MAMDC2: variants seen among roughly 807,000 people sequenced by gnomAD.
MAMDC2 encodes the protein MAM domain containing 2.
MAMDC2 carries 57 observed loss-of-function variants against 89.8 expected under a neutral mutation model. The observed-to-expected ratio is 0.63, with a 90% CI of 0.51 to 0.79. MAMDC2 has a LOEUF of 0.79. Ranked by LOEUF, MAMDC2 falls within the 30% of genes least tolerant of loss-of-function variation. MAMDC2 has a pLI of 0.00. For synonymous variants in MAMDC2, 313 were observed against 293.4 expected (o/e 1.07, Z -0.68); for missense variants, 800 against 820.6 (o/e 0.97, Z 0.31).
chr9:70,197,292 A>C (rs2032990553), intron 11 of MAMDC2, among the ~76,000 whole-genome samples: 1 of 152,140 alleles, frequency 6.6e-6, no homozygotes. Context: ...GGAAGAACTT[A>C]TGGAGTAAAG....
At chr9:70,158,704 GTGTT>G (rs999762513) in intron 9 of MAMDC2, among the ~76,000 whole-genome samples, 20 of 151,950 alleles carry the variant, frequency 1.3e-4, no homozygotes, top group African/African-American at 4.3e-4. Context: ...TCCAAGAAAT[GTGTT>G]TGTTAGGCAA....
At chr9:70,047,443 A>G (rs1431890777) in intron 2 of MAMDC2, among the ~76,000 whole-genome samples, 1 of 152,144 alleles carries the variant, frequency 6.6e-6, no homozygotes, top group African/African-American at 2.4e-5. Flanking sequence ...ATGAGTGAGA[A>G]CATGAGGTGT....
At chr9:70,119,760 C>G (rs1455906658) in intron 5 of MAMDC2, among the ~76,000 whole-genome samples, 1 of 152,208 alleles carries the variant, frequency 6.6e-6, no homozygotes, top group East Asian at 1.9e-4. Context: ...ACTTCTCCCT[C>G]TTACTGTACT....
intron 11 of MAMDC2, chr9:70,188,541 G>T (rs1168186187): frequency 1.3e-5 from 2 of 151,770 alleles, no homozygotes; most frequent in Non-Finnish European, 1.5e-5. Context: ...ATTTTTACAA[G>T]TAATTTTTTA....
chr9:70,137,908 G>T lies in MAMDC2; in HGVS notation c.995-2237G>T, dbSNP rs2031066847. ...AAAAGTTATTCTCAAAAGAGCAGAA[G>T]CATTTTATTTGTATAAATGTATGTG... On this transcript the variant is annotated intron_variant, in intron 7 of 13. Coordinates refer to ENST00000377182, the MANE Select transcript of MAMDC2 (RefSeq NM_153267.5). 2.0e-5 allele frequency among the ~76,000 whole-genome samples: 3 copies of T among 152,178 alleles called. No individual in the cohort carries two copies. In the South Asian group the frequency reaches 6.2e-4, roughly 32 times the overall value.
intron 7 of MAMDC2, 103 bp downstream of exon 7, chr9:70,131,715 C>T (rs2030812540): frequency 2.4e-6 from 2 of 833,196 alleles, no homozygotes; most frequent in Non-Finnish European, 3.9e-6. Flanking sequence ...ATATCTTTCC[C>T]CTTCTGTCAT....
intron 2 of MAMDC2, chr9:70,071,451 T>C (rs1827406401): frequency 1.3e-5 from 2 of 152,214 alleles, no homozygotes; most frequent in Non-Finnish European, 2.9e-5. Context: ...TCTAATTTCG[T>C]AGGATTGAAA....
At chr9:70,205,747 G>A (rs1470727664) in intron 11 of MAMDC2, among the ~76,000 whole-genome samples, 2 of 152,142 alleles carry the variant, frequency 1.3e-5, no homozygotes, top group Admixed American at 1.3e-4. Flanking sequence ...CCCTTCCACA[G>A]ACTGGAATCC....
chr9:70,202,032 G>T (rs1435481258), intron 11 of MAMDC2, among the ~76,000 whole-genome samples: 3 of 151,686 alleles, frequency 2.0e-5, no homozygotes, highest in Non-Finnish European at 2.9e-5. Flanking sequence ...TTTTTGAAGG[G>T]TTTTTTGTGT....
intron 2 of MAMDC2, among the ~76,000 whole-genome samples, chr9:70,084,601 C>T (rs1344339867): frequency 1.3e-5 from 2 of 152,050 alleles, no homozygotes; most frequent in Non-Finnish European, 2.9e-5. Context: ...TGCCTGATTC[C>T]TTTCCTAGGT....
intron 2 of MAMDC2, among the ~76,000 whole-genome samples, chr9:70,064,565 G>A (rs1156608476): frequency 1.3e-5 from 2 of 152,118 alleles, no homozygotes; most frequent in Non-Finnish European, 2.9e-5. Flanking sequence ...CAAAGAGAAG[G>A]GGTGTGTGTG....
intron 11 of MAMDC2, among the ~76,000 whole-genome samples, chr9:70,178,610 G>A (rs2032565077): frequency 6.6e-6 from 1 of 152,148 alleles, no homozygotes. Context: ...AGCATCATAA[G>A]CTACATGTAT....
intron 9 of MAMDC2, among the ~76,000 whole-genome samples, chr9:70,145,562 G>A (rs2031376765): frequency 8.7e-6 from 1 of 114,390 alleles, no homozygotes; most frequent in African/African-American, 3.3e-5. Flanking sequence ...ACACACACAT[G>A]CACGCATGTA....
chr9:70,071,547 G>A (rs1248608234), intron 2 of MAMDC2: 3 of 152,178 alleles, frequency 2.0e-5, no homozygotes, highest in East Asian at 3.8e-4. Flanking sequence ...GAAGGCGGTG[G>A]AGACACAAAG....
At chr9:70,198,107 A>G (rs114069969) in intron 11 of MAMDC2, among the ~76,000 whole-genome samples, 7,950 of 151,100 alleles carry the variant, frequency 0.053, 236 homozygotes, top group South Asian at 0.073. Context: ...TAACTTGTAA[A>G]TTAAACTTTA....
intron 11 of MAMDC2, among the ~76,000 whole-genome samples, chr9:70,174,645 G>T (rs547450908): frequency 6.6e-6 from 1 of 152,192 alleles, no homozygotes; most frequent in Admixed American, 6.5e-5. Context: ...GAGCTAGGGA[G>T]ACAGTGCTAG....
chr9:70,060,453 T>C (rs541218704), intron 2 of MAMDC2: 1 of 152,302 alleles, frequency 6.6e-6, no homozygotes, highest in Admixed American at 6.5e-5. Context: ...AAGCAGTGAA[T>C]AGAAAAAATG....
At chr9:70,054,371 T>C (rs115484183) in intron 2 of MAMDC2, among the ~76,000 whole-genome samples, 3,121 of 152,050 alleles carry the variant, frequency 0.021, 93 homozygotes, top group African/African-American at 0.072. Context: ...ACCGGGCATG[T>C]ATGAGAAGAA....
intron 5 of MAMDC2, chr9:70,113,730 A>G (rs1290522435): frequency 1.3e-5 from 2 of 153,118 alleles, no homozygotes; most frequent in Non-Finnish European, 2.9e-5. Context: ...GGGCTTACTT[A>G]CTTGTGGGTT....
Sources: gnomAD v4.1 joint callset for allele counts (sites outside exome capture counted in the v4.1 genomes callset) on GRCh38, gnomAD v4.1.1 for gene constraint, MANE v1.5 for transcripts, NCBI Gene and HGNC (gene_info 2026-07-23, HGNC 2026-07-21) for gene names.